HPS5: variants seen among roughly 807,000 people sequenced by gnomAD.
HPS5 encodes BLOC-2 complex member HPS5.
HPS5 carries 83 observed loss-of-function variants against 128.0 expected under a neutral mutation model. The ratio of observed to expected loss-of-function variants is 0.65; its 90% CI spans 0.54 to 0.78. The LOEUF (loss-of-function observed/expected upper bound fraction) is 0.78. Ranked by LOEUF, HPS5 falls within the 30% of genes least tolerant of loss-of-function variation. The pLI, the probability that HPS5 is intolerant of heterozygous loss-of-function variation, is 0.00. For missense variants in HPS5, 1,281 were observed against 1,326.2 expected, an observed-to-expected ratio of 0.97 and a Z score of 0.53; for synonymous variants, 475 against 470.2, an observed-to-expected ratio of 1.01 and a Z score of -0.13.
At chr11:18,280,036 A>G (rs934905100) in intron 22 of HPS5, 94 bp from the exon 23 acceptor site, 31 of 1,259,978 alleles carry the variant, frequency 2.5e-5, no homozygotes, top group Non-Finnish European at 3.6e-5. Flanking sequence ...GAGGATTCAA[A>G]AAGTTGACTG....
rs370449177 is a variant in HPS5, at chr11:18,294,975, G to A, written c.1784+45C>T. The A allele has an allele frequency of 2.9e-5, 46 of 1,608,446 alleles. No homozygotes were observed. In the African/African-American group the frequency reaches 4.8e-4, roughly 17 times the overall value. ...GTCTATGGCTTTCTTAAAACTGACA[G>A]CTGGATTCCCTAGAATGTATAGAGA... On this transcript the variant is annotated intron_variant, in intron 14 of 22. Coordinates refer to ENST00000349215, the MANE Select transcript of HPS5 (RefSeq NM_181507.2).
intron 2 of HPS5, among the ~76,000 whole-genome samples, chr11:18,313,694 T>C (rs1458007517): frequency 6.6e-6 from 1 of 150,732 alleles, no homozygotes; most frequent in African/African-American, 2.4e-5. Flanking sequence ...GGTGGGCGGA[T>C]CACGAGGTTA....
Position 18,306,149 on chromosome 11 carries a change from A to C in HPS5, c.810T>G (p.Pro270=). 6.2e-7 allele frequency: 1 copy of C among 1,610,810 alleles called. No individual in the cohort carries two copies. Among genetic ancestry groups the C allele is most frequent in the Non-Finnish European group, 8.5e-7 (1 of 1,176,978 alleles). Residue 270 remains proline (P), a synonymous_variant, in exon 7 of 23, where the codon CCT becomes CCG. Transcript: ENST00000349215. ...FKKLLSLPPL[P]VITLRSEPQY... ...CAAATCGTTACCTGAGAGTAATCAC[A>C]GGGAGAGGTGGCAACGAGAGGAGTT...
In HPS5 at chr11:18,309,026, G is replaced by A; in HGVS notation, c.531C>T (p.Ser177=). 1 of 1,613,726 alleles carries A rather than the reference G, an allele frequency of 6.2e-7. No individual in the cohort carries two copies. Residue 177 remains serine, a synonymous_variant, in exon 6 of 23, where the codon TCC becomes TCT. Transcript: ENST00000349215. ...CCAAATAATCTAACTGTACAACACAGGAGTCAACAGTTGTGATTGTCTGAA... is the reference window on the plus strand; with the variant it reads ...CCAAATAATCTAACTGTACAACACAAGAGTCAACAGTTGTGATTGTCTGAA... ...FPVQTITTVD[S]CVVQLDYLDG...
At chr11:18,283,072 G>C (rs2134212586) in intron 21 of HPS5, among the ~76,000 whole-genome samples, 1 of 152,276 alleles carries the variant, frequency 6.6e-6, no homozygotes, top group East Asian at 1.9e-4. Flanking sequence ...TGCGATCTCA[G>C]CTCACTGCAA....
At chr11:18,292,364 A>C (rs2124374) in intron 15 of HPS5, among the ~76,000 whole-genome samples, 110,262 of 151,852 alleles carry the variant, frequency 0.73, 40,475 homozygotes, top group East Asian at 0.97. Context: ...CCCACTACAC[A>C]CAGCTACTTT....
At chr11:18,286,566 CAAAG>C (rs774945561) in intron 19 of HPS5, 21 bp downstream of exon 19, 15 of 1,607,786 alleles carry the variant, frequency 9.3e-6, no homozygotes, top group African/African-American at 1.3e-5. Flanking sequence ...AAGAAAAAAA[CAAAG>C]AAAGAGGACT....
At position 18,287,976 on chromosome 11, in the gene HPS5, T is replaced by C. The variant is rs895448038; in HGVS notation, c.2478A>G (p.Glu826=). The part of the protein sequence containing the change: ...ASSNPVYMEM[E]KGDLPTRLKL... ...TTAACCTTGTTGGTAGATCTCCTTT[T>C]TCCATCTCCATATACACAGGATTGG... Residue 826 remains glutamate (E), a synonymous_variant, in exon 17 of 23, where the codon GAA becomes GAG. Coordinates refer to ENST00000349215, the MANE Select transcript of HPS5 (RefSeq NM_181507.2). The C allele has an allele frequency of 3.1e-6, 5 of 1,613,802 alleles. No homozygotes were observed. The highest frequency in any genetic ancestry group is 4.2e-6 in the Non-Finnish European group (5 of 1,179,926).
At chr11:18,294,158 A>T (rs1860775670) in intron 14 of HPS5, among the ~76,000 whole-genome samples, 1 of 152,176 alleles carries the variant, frequency 6.6e-6, no homozygotes, top group African/African-American at 2.4e-5. Flanking sequence ...ACTCTACTAC[A>T]CAAGGACCAG....
chr11:18,286,178 A>G (rs1859685468), intron 19 of HPS5, among the ~76,000 whole-genome samples: 1 of 152,254 alleles, frequency 6.6e-6, no homozygotes, highest in African/African-American at 2.4e-5. Flanking sequence ...AGCTATTTCT[A>G]AAGTGAGCCC....
intron 15 of HPS5, 33 bp downstream of exon 15, chr11:18,292,866 G>A (rs775959538): frequency 1.3e-6 from 2 of 1,499,960 alleles, no homozygotes. Context: ...ACTGCCTTGA[G>A]ACGTCACTAT....
At chr11:18,302,725 GA>G (rs1861840573) in intron 8 of HPS5, among the ~76,000 whole-genome samples, 1 of 145,098 alleles carries the variant, frequency 6.9e-6, no homozygotes, top group African/African-American at 2.6e-5. Context: ...ATCCCTACAG[GA>G]AAGTAATCTT....
chr11:18,309,019 C>T lies in HPS5; in HGVS notation c.538G>A (p.Val180Ile). ...QTITTVDSCV[V>I]QLDYLDGRLL... ...CTTCCATCCAAATAATCTAACTGTA[C>T]AACACAGGAGTCAACAGTTGTGATT... Residue 180 changes from valine (V) to isoleucine (I), a missense_variant, in exon 6 of 23, where the codon GTA (valine) becomes ATA (isoleucine). Transcript: ENST00000349215. 3 of 1,613,530 alleles carry T rather than the reference C, an allele frequency of 1.9e-6. No individual in the cohort carries two copies. Among genetic ancestry groups the T allele is most frequent in the East Asian group, 2.2e-5 (1 of 44,860 alleles).
At chr11:18,301,534 T>C (rs1167384668) in intron 8 of HPS5, among the ~76,000 whole-genome samples, 1 of 150,992 alleles carries the variant, frequency 6.6e-6, no homozygotes, top group Admixed American at 6.6e-5. Flanking sequence ...CTTTACCTGA[T>C]GTTCGTTAAA....
intron 14 of HPS5, 57 bp downstream of exon 14, chr11:18,294,963 T>A: frequency 6.2e-7 from 1 of 1,604,692 alleles, no homozygotes; most frequent in East Asian, 2.2e-5. Context: ...TATGGCTTTC[T>A]TAAAACTGAC....
At chr11:18,313,372 C>T (rs1863223613) in intron 2 of HPS5, among the ~76,000 whole-genome samples, 1 of 152,260 alleles carries the variant, frequency 6.6e-6, no homozygotes, top group Non-Finnish European at 1.5e-5. Flanking sequence ...CTAGCTGTCT[C>T]ACCTGTTACC....
rs1455639945 is a variant in HPS5 at position 18,283,835 on chromosome 11, A to G, written c.3018T>C (p.Ile1006=). Residue 1006 remains isoleucine (I), a synonymous_variant, in exon 21 of 23, where the codon ATT becomes ATC. Transcript: ENST00000349215. ...TCAGGCTCATATCATTCAGATACAC[A>G]ATATTGGTGAAGGCCTCTCTTCTTC... The part of the protein sequence containing the change: ...LERRREAFTN[I]VYLNDMSLME... 1.2e-6 allele frequency: 2 copies of G among 1,613,014 alleles called. No homozygotes were observed. Among genetic ancestry groups the G allele is most frequent in the East Asian group, 2.2e-5 (1 of 44,850 alleles).
intron 11 of HPS5, 120 bp downstream of exon 11, chr11:18,297,439 T>C: frequency 2.2e-6 from 2 of 910,692 alleles, no homozygotes; most frequent in Non-Finnish European, 3.5e-6. Context: ...AGTTCACCCC[T>C]TCCCACCAAA....
At chr11:18,284,675 T>C (rs1266463830) in intron 20 of HPS5, among the ~76,000 whole-genome samples, 2 of 152,128 alleles carry the variant, frequency 1.3e-5, no homozygotes. Context: ...AATGAACAAA[T>C]ATGTATCAAG....
Sources: allele counts gnomAD v4.1 joint callset (sites outside exome capture counted in the v4.1 genomes callset), GRCh38; gene constraint gnomAD v4.1.1; transcripts MANE v1.5; gene names NCBI Gene and HGNC (gene_info 2026-07-23, HGNC 2026-07-21).